C3orf85: variants seen among roughly 807,000 people sequenced by gnomAD.
C3orf85 encodes chromosome 3 open reading frame 85.
C3orf85 carries 1 observed loss-of-function variant against 1.7 expected under a neutral mutation model. That is an observed-to-expected ratio of 0.60 (90% confidence interval 0.21 to 2.86). The LOEUF is 2.86. Ranked by LOEUF, C3orf85 falls within the 30% of genes most tolerant of loss-of-function variation. The pLI, the probability that C3orf85 is intolerant of heterozygous loss-of-function variation, is 0.22. For synonymous variants in C3orf85, 17 were observed against 8.0 expected, an observed-to-expected ratio of 2.13 and a Z score of -1.90; for missense variants, 29 against 21.3, an observed-to-expected ratio of 1.36 and a Z score of -0.72.
intron 2 of C3orf85, among the ~76,000 whole-genome samples, chr3:109,142,213 TC>T (rs1238556684): frequency 6.6e-6 from 1 of 152,232 alleles, no homozygotes; most frequent in African/African-American, 2.4e-5. Context: ...TGTACTTTAC[TC>T]CTAGTGACCA....
intron 2 of C3orf85, among the ~76,000 whole-genome samples, chr3:109,138,844 A>T (rs1270016808): frequency 6.6e-6 from 1 of 152,214 alleles, no homozygotes; most frequent in Non-Finnish European, 1.5e-5. Context: ...GATTTGATTT[A>T]AAAAATAAGC....
intron 2 of C3orf85, chr3:109,146,157 T>A (rs1706797646): frequency 6.6e-6 from 1 of 152,192 alleles, no homozygotes; most frequent in Non-Finnish European, 1.5e-5. Flanking sequence ...GCAGTAGTGA[T>A]TAGCAAGAGT....
At chr3:109,138,641 T>C (rs1031326232) in intron 2 of C3orf85, among the ~76,000 whole-genome samples, 2 of 152,188 alleles carry the variant, frequency 1.3e-5, no homozygotes, top group African/African-American at 4.8e-5. Flanking sequence ...GAATTTGATT[T>C]AAGGGAGGTA....
chr3:109,138,551 AT>A (rs201988537), intron 2 of C3orf85, among the ~76,000 whole-genome samples: 30 of 151,464 alleles, frequency 2.0e-4, no homozygotes, highest in African/African-American at 2.9e-4. Flanking sequence ...GAAAACCACT[AT>A]TTTTTTTTAA....
At chr3:109,144,932 A>G (rs113388599) in intron 2 of C3orf85, among the ~76,000 whole-genome samples, 1 of 152,230 alleles carries the variant, frequency 6.6e-6, no homozygotes, top group African/African-American at 2.4e-5. Context: ...ACTGTAACAC[A>G]CACCTTTTCT....
At chr3:109,141,010 G>T (rs965680645) in intron 2 of C3orf85, among the ~76,000 whole-genome samples, 1 of 152,030 alleles carries the variant, frequency 6.6e-6, no homozygotes, top group Non-Finnish European at 1.5e-5. Flanking sequence ...TTTTTGAGAC[G>T]GAGTCTCTCT....
chr3:109,146,948 G>A (rs28612085), intron 2 of C3orf85, among the ~76,000 whole-genome samples: 44,378 of 151,880 alleles, frequency 0.29, 7,615 homozygotes, highest in Middle Eastern at 0.39. Flanking sequence ...ATTAATTCTG[G>A]CATCTGTCAC....
chr3:109,141,959 G>A (rs989322507), intron 2 of C3orf85, among the ~76,000 whole-genome samples: 1 of 152,134 alleles, frequency 6.6e-6, no homozygotes, highest in Non-Finnish European at 1.5e-5. Flanking sequence ...AACCCCAGAG[G>A]CAGAGGTTGC....
At chr3:109,148,717 C>T (rs1000707036) in intron 3 of C3orf85, 22 of 277,466 alleles carry the variant, frequency 7.9e-5, no homozygotes, top group Non-Finnish European at 1.2e-4. Context: ...TGTACCCAAC[C>T]TACCTACCTA....
intron 2 of C3orf85, 115 bp from the exon 3 acceptor site, chr3:109,148,138 T>A: frequency 1.6e-6 from 1 of 607,798 alleles, no homozygotes; most frequent in Non-Finnish European, 2.9e-6. Flanking sequence ...TTTCCAGAGT[T>A]TCCTCCTCAG....
At chr3:109,136,972 G>T (rs1706684529) in intron 2 of C3orf85, 76 bp downstream of exon 2, 2 of 400,904 alleles carry the variant, frequency 5.0e-6, no homozygotes, top group Non-Finnish European at 4.4e-6. Context: ...TCTTCTTAAA[G>T]AAATGAACAA....
chr3:109,141,515 CCT>C (rs1332350822), intron 2 of C3orf85, among the ~76,000 whole-genome samples: 4 of 151,860 alleles, frequency 2.6e-5, no homozygotes, highest in Non-Finnish European at 5.9e-5. Flanking sequence ...CTTCTATTCT[CCT>C]CTGTTTCTCC....
At chr3:109,149,030 A>G (rs1192775888) in intron 3 of C3orf85, 1 of 152,158 alleles carries the variant, frequency 6.6e-6, no homozygotes. Context: ...TTTATTCTAT[A>G]TTTACTTTTC....
At position 109,151,037 on chromosome 3, in the gene C3orf85, C is replaced by T. The variant is rs988152284; in HGVS notation, c.*1143C>T. Among the ~76,000 whole-genome samples the T allele has an allele frequency of 2.0e-5, 3 of 152,158 alleles. No homozygotes were observed. Among genetic ancestry groups the T allele is most frequent in the African/African-American group, 7.2e-5 (3 of 41,446 alleles). On this transcript the variant is annotated 3_prime_UTR_variant, in exon 4 of 4. Coordinates refer to ENST00000622536, the MANE Select transcript of C3orf85 (RefSeq NM_001351622.2). Reference sequence around the variant, plus strand: ...GTGTTTCACATTTCCCATCCTATGGCCTAGAGGTGTTTTCAGTGAGAAATT... The same window carrying T: ...GTGTTTCACATTTCCCATCCTATGGTCTAGAGGTGTTTTCAGTGAGAAATT...
intron 2 of C3orf85, among the ~76,000 whole-genome samples, chr3:109,139,220 C>T (rs2107832358): frequency 6.6e-6 from 1 of 152,330 alleles, no homozygotes; most frequent in Non-Finnish European, 1.5e-5. Flanking sequence ...CAAACTCTCC[C>T]CTCTGGCACT....
chr3:109,142,946 C>T (rs1460805214), intron 2 of C3orf85, among the ~76,000 whole-genome samples: 1 of 152,134 alleles, frequency 6.6e-6, no homozygotes, highest in East Asian at 1.9e-4. Context: ...ATGACTGGAC[C>T]CCCAAATTTG....
chr3:109,142,081 C>T (rs1055346633), intron 2 of C3orf85, among the ~76,000 whole-genome samples: 10 of 151,996 alleles, frequency 6.6e-5, no homozygotes, highest in Admixed American at 2.0e-4. Context: ...AAAACATGAA[C>T]GTAAACATGA....
chr3:109,141,140 C>A (rs903778197), intron 2 of C3orf85, among the ~76,000 whole-genome samples: 1 of 152,128 alleles, frequency 6.6e-6, no homozygotes, highest in Non-Finnish European at 1.5e-5. Flanking sequence ...GCATGCACAA[C>A]CATGCCTGGC....
At position 109,136,851 on chromosome 3, in the gene C3orf85, G is replaced by A. The variant is rs541699103; in HGVS notation, c.4G>A (p.Ala2Thr). The change falls in exon 2 of 4, where the codon GCC (alanine) becomes ACC (threonine). Residue 2 changes from alanine (A) to threonine (T), a missense_variant. Coordinates refer to ENST00000622536, the MANE Select transcript of C3orf85 (RefSeq NM_001351622.2). M[A>T]YKMLQVVLCS... ...TTTTTTTTCCCAAAATAGGATCATG[G>A]CCTATAAAATGCTTCAAGTAGTCCT... 10 of 420,698 alleles carry A rather than the reference G, an allele frequency of 2.4e-5. No homozygotes were observed. The highest frequency in any genetic ancestry group is 1.6e-4 in the African/African-American group (8 of 49,136). 26.1% of individuals were successfully genotyped at this position (420,698 alleles called of 1,614,324 possible). A position where few individuals can be genotyped will look rare whatever the true frequency, so the allele number is the denominator to read the frequency against.
Sources: gnomAD v4.1 joint callset for allele counts (sites outside exome capture counted in the v4.1 genomes callset) on GRCh38, gnomAD v4.1.1 for gene constraint, MANE v1.5 for transcripts, NCBI Gene and HGNC (gene_info 2026-07-23, HGNC 2026-07-21) for gene names.